Variants in CDCA7L observed in about 807,000 individuals in gnomAD.
CDCA7L encodes the protein cell division cycle-associated 7-like protein.
In CDCA7L, 44 loss-of-function variants were observed where a neutral mutation model predicts 57.4. The ratio of observed to expected loss-of-function variants is 0.77; its 90% CI spans 0.60 to 0.98. CDCA7L has a LOEUF of 0.98. Among genes scored for constraint, CDCA7L ranks in the 50% least tolerant of loss-of-function variants. The pLI is 0.00. For missense variants in CDCA7L, 644 were observed against 580.6 expected (o/e 1.11, Z -1.12); for synonymous variants, 236 against 202.8 (o/e 1.16, Z -1.39).
intron 3 of CDCA7L, among the ~76,000 whole-genome samples, chr7:21,908,712 C>T (rs1394811809): frequency 6.6e-6 from 1 of 152,170 alleles, no homozygotes; most frequent in East Asian, 1.9e-4. Context: ...CAACCTACTA[C>T]TGAACTGTGC....
At chr7:21,931,606 G>A (rs532756943) in intron 1 of CDCA7L, among the ~76,000 whole-genome samples, 3 of 152,122 alleles carry the variant, frequency 2.0e-5, no homozygotes, top group Admixed American at 1.3e-4. Flanking sequence ...CTCAGTAAAC[G>A]AGGTATTGAT....
intron 2 of CDCA7L, among the ~76,000 whole-genome samples, chr7:21,913,132 C>A (rs1326873645): frequency 6.6e-6 from 1 of 152,108 alleles, no homozygotes; most frequent in East Asian, 1.9e-4. Flanking sequence ...TTATATACTT[C>A]TTTGAGCTCA....
At chr7:21,924,718 C>T (rs1379206113) in intron 1 of CDCA7L, among the ~76,000 whole-genome samples, 5 of 152,148 alleles carry the variant, frequency 3.3e-5, no homozygotes, top group Non-Finnish European at 7.4e-5. Context: ...AGATACAACA[C>T]AATACAGATC....
At chr7:21,940,543 T>C (rs1786308833) in intron 1 of CDCA7L, among the ~76,000 whole-genome samples, 1 of 152,158 alleles carries the variant, frequency 6.6e-6, no homozygotes, top group Admixed American at 6.5e-5. Context: ...TCCAGTGTGG[T>C]ATGATAAATG....
Position 21,901,337 on chromosome 7 carries a change from A to ATTCTAACTTTTTAGTAACTCACACGT in CDCA7L, c.*959_*984dup, listed in dbSNP as rs1249649373. On this transcript the variant is annotated 3_prime_UTR_variant, in exon 10 of 10. Transcript: ENST00000406877. ...TTGCTGCACTGTTCCCATGCACATT[A>ATTCTAACTTTTTAGTAACTCACACGT]TTCTAACTTTTTAGTAACTCACACG... 1.4e-6 allele frequency: 2 copies of ATTCTAACTTTTTAGTAACTCACACGT among 1,411,180 alleles called. No homozygotes were observed. Among genetic ancestry groups the ATTCTAACTTTTTAGTAACTCACACGT allele is most frequent in the Non-Finnish European group, 1.9e-6 (2 of 1,073,068 alleles). The allele number at this position is 1,411,180 out of a possible 1,614,324, so 87.4% of individuals were successfully genotyped here. A position where few individuals can be genotyped will look rare whatever the true frequency, so the allele number is the denominator to read the frequency against.
chr7:21,904,883 C>T (rs1388391452), intron 7 of CDCA7L, among the ~76,000 whole-genome samples: 1 of 152,174 alleles, frequency 6.6e-6, no homozygotes, highest in Non-Finnish European at 1.5e-5. Flanking sequence ...AAGCTTGAGG[C>T]AGGGGTGGCA....
chr7:21,929,401 C>CA (rs201794686), intron 1 of CDCA7L, among the ~76,000 whole-genome samples: 1,815 of 152,114 alleles, frequency 0.012, 36 homozygotes, highest in African/African-American at 0.042. Flanking sequence ...CATCAACTAA[C>CA]AGGCAAAATA....
chr7:21,925,601 A>T (rs532324910), intron 1 of CDCA7L, among the ~76,000 whole-genome samples: 1 of 152,316 alleles, frequency 6.6e-6, no homozygotes, highest in East Asian at 1.9e-4. Context: ...AAAATCAAGG[A>T]TTATCAGGCC....
In CDCA7L at chr7:21,908,509, TAA is replaced by T. The variant is rs753436839; in HGVS notation, c.304-4_304-3del. ...ATCACTCAAATCTGACTCCACGACC[TAA>T]TAAAATAAGAGCAAGAAAAAGCACA... On this transcript the variant is annotated splice_polypyrimidine_tract_variant and splice_region_variant and intron_variant, in intron 3 of 9. Transcript: ENST00000406877. 16 of 1,505,628 alleles carry T rather than the reference TAA, an allele frequency of 1.1e-5. No individual in the cohort carries two copies. The African/African-American group carries it at 2.2e-4, about 21-fold the overall frequency. 93.3% of individuals were successfully genotyped at this position (1,505,628 alleles called of 1,614,324 possible).
At chr7:21,940,370 A>ATAC in intron 1 of CDCA7L, 1 of 894,302 alleles carries the variant, frequency 1.1e-6, no homozygotes, top group South Asian at 5.1e-5. Context: ...ATTACTAACA[A>ATAC]TACTACTTTG....
rs757277115 is a variant in CDCA7L, at chr7:21,908,252, T to C, written c.559A>G (p.Arg187Gly). 3 of 1,613,674 alleles carry C rather than the reference T, an allele frequency of 1.9e-6. No individual in the cohort carries two copies. The highest frequency in any genetic ancestry group is 2.7e-5 in the African/African-American group (2 of 74,864). Residue 187 changes from arginine (R) to glycine (G), a missense_variant, in exon 4 of 10, where the codon AGA becomes GGA. Physicochemically the swap from Arg to Gly is moderately radical, Grantham distance 125. Coordinates refer to ENST00000406877, the MANE Select transcript of CDCA7L (RefSeq NM_018719.5). Reference protein sequence around the residue: ...KTILERKKDCRQVIQREDSTS... With the variant: ...KTILERKKDCGQVIQREDSTS... ...GAATCTTCCCTTTGTATCACCTGTC[T>C]ACAGTCTTTCTTTCTTTCAAGAATT...
intron 2 of CDCA7L, among the ~76,000 whole-genome samples, chr7:21,913,486 G>A (rs764067130): frequency 2.6e-5 from 4 of 152,330 alleles, no homozygotes; most frequent in East Asian, 3.9e-4. Context: ...TGTGGGGTCG[G>A]GGTAGAGAAG....
rs1784983123 is a variant in CDCA7L, at chr7:21,902,962, C to G, written c.1334+16G>C. 6.2e-7 allele frequency: 1 copy of G among 1,611,478 alleles called. No homozygotes were observed. Among genetic ancestry groups the G allele is most frequent in the Admixed American group, 1.7e-5 (1 of 59,928 alleles). ...AGATTTCAAGCTGTTTTGTAAGCTG[C>G]TAGAGACTTACTTACCTCTCCAGAT... On this transcript the variant is annotated intron_variant, in intron 9 of 9. Transcript: ENST00000406877.
chr7:21,929,444 C>T (rs1785933699), intron 1 of CDCA7L, among the ~76,000 whole-genome samples: 1 of 151,978 alleles, frequency 6.6e-6, no homozygotes, highest in Non-Finnish European at 1.5e-5. Context: ...GGATCAAATT[C>T]ACACATAACA....
rs1050985802 is a variant in CDCA7L at position 21,902,454 on chromosome 7, C to T, written c.1335-102G>A. ...ATCATCTAAGAGTACAAAGCCAGAACCCAGATCTCCTGACACTCGAAATCC... is the reference window on the plus strand; with the variant it reads ...ATCATCTAAGAGTACAAAGCCAGAATCCAGATCTCCTGACACTCGAAATCC... On this transcript the variant is annotated intron_variant, in intron 9 of 9. Coordinates refer to ENST00000406877, the MANE Select transcript of CDCA7L (RefSeq NM_018719.5). The T allele has an allele frequency of 5.4e-6, 6 of 1,115,284 alleles. No individual in the cohort carries two copies. In the East Asian group the frequency reaches 9.4e-5, roughly 17 times the overall value. 69.1% of individuals were successfully genotyped at this position (1,115,284 alleles called of 1,614,324 possible). A position where few individuals can be genotyped will look rare whatever the true frequency, so the allele number is the denominator to read the frequency against.
intron 7 of CDCA7L, 145 bp downstream of exon 7, chr7:21,905,361 A>T (rs767461512): frequency 1.2e-6 from 1 of 831,590 alleles, no homozygotes; most frequent in South Asian, 1.7e-5. Context: ...TCCCAGGTAC[A>T]GCTGACTTTT....
intron 1 of CDCA7L, among the ~76,000 whole-genome samples, chr7:21,927,938 TC>T (rs1293229250): frequency 6.6e-6 from 1 of 152,190 alleles, no homozygotes; most frequent in Non-Finnish European, 1.5e-5. Context: ...GAGCAGCAGA[TC>T]TCCCAGCACA....
Position 21,915,670 on chromosome 7 carries a change from C to CACACACAG in CDCA7L, c.165+1083_165+1084insCTGTGTGT, listed in dbSNP as rs1405026219. On this transcript the variant is annotated intron_variant, in intron 2 of 9. Transcript: ENST00000406877. Reference sequence around the variant, plus strand: ...AAAAAAAAAAAAAAACACACACACACACACAAATTAGCCAGGCGTGGTGGT... The same window carrying CACACACAG: ...AAAAAAAAAAAAAAACACACACACACACACACAGACACAAATTAGCCAGGCGTGGTGGT... Among the ~76,000 whole-genome samples the CACACACAG allele has an allele frequency of 4.8e-5, 7 of 144,808 alleles. 1 individual carries two copies. In the East Asian group the frequency reaches 1.4e-3, roughly 29 times the overall value. The allele number at this position is 144,808 out of a possible 152,430, so 95.0% of individuals were successfully genotyped here. A position where few individuals can be genotyped will look rare whatever the true frequency, so the allele number is the denominator to read the frequency against.
chr7:21,901,111 CAAGAAACCA>C lies in CDCA7L; in HGVS notation c.*1202_*1210del. The C allele has an allele frequency of 6.2e-7, 1 of 1,613,954 alleles. No homozygotes were observed. The highest frequency in any genetic ancestry group is 8.5e-7 in the Non-Finnish European group (1 of 1,179,824). ...TGCAAAAGCCACCCCCGTGGACAGA[CAAGAAACCA>C]AACAGACCTACGAGTGCCCTGTGTA... On this transcript the variant is annotated 3_prime_UTR_variant, in exon 10 of 10. Coordinates refer to ENST00000406877, the MANE Select transcript of CDCA7L (RefSeq NM_018719.5).
Sources: gnomAD v4.1 joint callset for allele counts (sites outside exome capture counted in the v4.1 genomes callset) on GRCh38, gnomAD v4.1.1 for gene constraint, MANE v1.5 for transcripts, NCBI Gene and HGNC (gene_info 2026-07-23, HGNC 2026-07-21) for gene names.